RIMOC1: variants seen among roughly 807,000 people sequenced by gnomAD.
The protein encoded by RIMOC1 is RAB7A interacting MON1-CCZ1 complex subunit 1, also known as RAB7A-interacting MON1-CCZ1 complex subunit 1.
At chr5:41,919,362 C>T in the RIMOC1 span, 1 of 152,148 alleles carries the variant, frequency 6.6e-6, no homozygotes, top group Non-Finnish European at 1.5e-5. Flanking sequence ...GTTGCTCAAA[C>T]AGTTAAAATC....
the RIMOC1 span, chr5:41,917,206 T>C: frequency 2.5e-6 from 4 of 1,613,758 alleles, no homozygotes; most frequent in Non-Finnish European, 1.7e-6. Flanking sequence ...TGAAAAAGTA[T>C]GTATCTGTGT....
the RIMOC1 span, among the ~76,000 whole-genome samples, chr5:41,906,867 G>C: frequency 1.4e-4 from 21 of 152,292 alleles, no homozygotes. Context: ...AGAAGAAAGG[G>C]ATATATTTTA....
At chr5:41,918,347 C>A in the RIMOC1 span, 5 of 985,640 alleles carry the variant, frequency 5.1e-6, no homozygotes, top group African/African-American at 7.0e-5. Context: ...ACTTTTCTCT[C>A]CTTTATGCTC....
chr5:41,911,049 A>T, the RIMOC1 span: 1 of 1,609,576 alleles, frequency 6.2e-7, no homozygotes, highest in Non-Finnish European at 8.5e-7. Context: ...GTGTTTCAGC[A>T]CTGCAATTTG....
At chr5:41,905,926 G>A in the RIMOC1 span, among the ~76,000 whole-genome samples, 5 of 152,130 alleles carry the variant, frequency 3.3e-5, no homozygotes, top group African/African-American at 4.8e-5. Context: ...ATTATGAGCC[G>A]TTGATCAGCA....
At chr5:41,905,113 G>A in the RIMOC1 span, among the ~76,000 whole-genome samples, 6 of 152,210 alleles carry the variant, frequency 3.9e-5, no homozygotes, top group African/African-American at 1.4e-4. Context: ...CGTCTCAGCT[G>A]CCTTTAGGTT....
At chr5:41,913,653 A>G in the RIMOC1 span, among the ~76,000 whole-genome samples, 1 of 152,216 alleles carries the variant, frequency 6.6e-6, no homozygotes, top group Non-Finnish European at 1.5e-5. Context: ...CTCTTTGGAA[A>G]TATTCTAGTA....
chr5:41,919,530 G>A, the RIMOC1 span: 6 of 152,206 alleles, frequency 3.9e-5, no homozygotes, highest in Admixed American at 2.0e-4. Context: ...ATACCTTTGT[G>A]CTTTCTAAGT....
At chr5:41,907,861 ACT>A in the RIMOC1 span, 7 of 1,504,032 alleles carry the variant, frequency 4.7e-6, no homozygotes, top group Non-Finnish European at 6.4e-6. Flanking sequence ...AGAGTGGTGG[ACT>A]CTGGCATTTT....
At chr5:41,916,557 C>G in the RIMOC1 span, 1 of 710,894 alleles carries the variant, frequency 1.4e-6, no homozygotes, top group Non-Finnish European at 1.7e-6. Context: ...TATAAGAGGT[C>G]TAGGATACTT....
the RIMOC1 span, among the ~76,000 whole-genome samples, chr5:41,909,472 C>A: frequency 4.3e-4 from 65 of 151,964 alleles, no homozygotes. Flanking sequence ...TGATTAAATT[C>A]TGTAAATTAA....
At chr5:41,918,390 T>A in the RIMOC1 span, 1 of 985,830 alleles carries the variant, frequency 1.0e-6, no homozygotes, top group Non-Finnish European at 1.2e-6. Context: ...CTTACCCCCT[T>A]TTCTTGACTG....
the RIMOC1 span, among the ~76,000 whole-genome samples, chr5:41,907,170 G>A: frequency 6.6e-6 from 1 of 152,044 alleles, no homozygotes; most frequent in Admixed American, 6.6e-5. Context: ...GAGGAAATGA[G>A]GTAATTTGTT....
chr5:41,912,696 C>T, the RIMOC1 span, among the ~76,000 whole-genome samples: 2 of 152,168 alleles, frequency 1.3e-5, no homozygotes, highest in Admixed American at 1.3e-4. Flanking sequence ...ATCACGAGAA[C>T]AGAATGAGGG....
At chr5:41,913,642 C>A in the RIMOC1 span, among the ~76,000 whole-genome samples, 1 of 152,012 alleles carries the variant, frequency 6.6e-6, no homozygotes, top group Non-Finnish European at 1.5e-5. Context: ...AATTAGAGTA[C>A]CTCTTTGGAA....
the RIMOC1 span, chr5:41,916,274 A>G: frequency 2.5e-6 from 1 of 393,616 alleles, no homozygotes; most frequent in Non-Finnish European, 3.5e-6. Flanking sequence ...ACACAAAGCC[A>G]GTAATTTATA....
At chr5:41,914,447 ACT>A in the RIMOC1 span, among the ~76,000 whole-genome samples, 1 of 146,738 alleles carries the variant, frequency 6.8e-6, no homozygotes, top group Non-Finnish European at 1.5e-5. Context: ...ATAGAGCCAG[ACT>A]CTGTCTCAAA....
the RIMOC1 span, chr5:41,920,889 C>T: frequency 6.6e-6 from 1 of 152,146 alleles, no homozygotes; most frequent in African/African-American, 2.4e-5. Flanking sequence ...GCATTTTTTA[C>T]ACTTGGGGTT....
the RIMOC1 span, chr5:41,919,741 C>CTT: frequency 6.6e-6 from 1 of 152,178 alleles, no homozygotes; most frequent in Non-Finnish European, 1.5e-5. Flanking sequence ...TCTTAGGACT[C>CTT]AGCTTCAGTG....
Sources: allele counts gnomAD v4.1 joint callset (sites outside exome capture counted in the v4.1 genomes callset), GRCh38; gene constraint gnomAD v4.1.1; transcripts MANE v1.5; gene names NCBI Gene and HGNC (gene_info 2026-07-23, HGNC 2026-07-21).